The following COL11A1 variants were observed in gnomAD, a reference collection of about 807,000 sequenced individuals.
The protein encoded by COL11A1 is collagen alpha-1(XI) chain.
A neutral mutation model predicts 265.2 loss-of-function variants in COL11A1; 74 were observed. The observed-to-expected ratio is 0.28, with a 90% CI of 0.23 to 0.34. The LOEUF (loss-of-function observed/expected upper bound fraction) is 0.34, where lower values mean the gene tolerates loss of function less well. Among genes scored for constraint, COL11A1 ranks in the 10% least tolerant of loss-of-function variants. The pLI is 1.00. For synonymous variants in COL11A1, 816 were observed against 727.6 expected (o/e 1.12, Z -1.96); for missense variants, 2,165 against 2,263.6 (o/e 0.96, Z 0.88).
At chr1:103,061,438 G>A (rs1670667456) in intron 4 of COL11A1, among the ~76,000 whole-genome samples, 1 of 151,938 alleles carries the variant, frequency 6.6e-6, no homozygotes, top group Admixed American at 6.6e-5. Flanking sequence ...AATAACAGCA[G>A]ATTACTTATC....
intron 63 of COL11A1, 128 bp downstream of exon 63, chr1:102,886,679 A>T (rs1349826306): frequency 7.5e-7 from 1 of 1,333,318 alleles, no homozygotes; most frequent in East Asian, 2.3e-5. Flanking sequence ...TGTCTAGAAG[A>T]TAATTAATAA....
intron 14 of COL11A1, among the ~76,000 whole-genome samples, chr1:103,011,924 A>G (rs1478451032): frequency 6.6e-6 from 1 of 152,108 alleles, no homozygotes; most frequent in Non-Finnish European, 1.5e-5. Flanking sequence ...GAATTTCTAC[A>G]AGAGAAAATA....
At chr1:103,099,624 T>C (rs765823066) in intron 1 of COL11A1, among the ~76,000 whole-genome samples, 1 of 151,722 alleles carries the variant, frequency 6.6e-6, no homozygotes, top group Non-Finnish European at 1.5e-5. Flanking sequence ...TACAGATTGA[T>C]ATTATTCTCA....
Position 102,962,231 on chromosome 1 carries a change from T to C in COL11A1, c.3059A>G (p.Asp1020Gly). 6.2e-7 allele frequency: 1 copy of C among 1,613,832 alleles called. No individual in the cohort carries two copies. Among genetic ancestry groups the C allele is most frequent in the Non-Finnish European group, 8.5e-7 (1 of 1,179,782 alleles). ...DPGPQGISGK[D>G]GPAGLRGFPG... ...GAAACCACGTAATCCTGCTGGTCCA[T>C]CTTTCCCTGAGATACCTTGAGGACC... is the stretch of plus-strand genomic sequence containing the variant. The change falls in exon 40 of 67, where the codon GAT becomes GGT. Residue 1020 changes from aspartate (D) to glycine (G), a missense_variant. Physicochemically the swap from Asp to Gly is moderately conservative, Grantham distance 94. Transcript: ENST00000370096.
chr1:102,929,383 T>C (rs1409469841), intron 46 of COL11A1, among the ~76,000 whole-genome samples: 1 of 152,142 alleles, frequency 6.6e-6, no homozygotes. Context: ...CTCAGGTTTG[T>C]CAAAGAACAG....
At chr1:103,096,494 T>C (rs1457939436) in intron 1 of COL11A1, among the ~76,000 whole-genome samples, 1 of 151,878 alleles carries the variant, frequency 6.6e-6, no homozygotes. Context: ...GCAATTCAGT[T>C]TTGGGTATAC....
At chr1:102,922,539 G>A (rs538513412) in intron 47 of COL11A1, among the ~76,000 whole-genome samples, 4 of 152,094 alleles carry the variant, frequency 2.6e-5, no homozygotes, top group Non-Finnish European at 5.9e-5. Flanking sequence ...TGGGACTACA[G>A]GCACACGCCA....
chr1:103,058,681 A>G (rs1376579437), intron 4 of COL11A1, among the ~76,000 whole-genome samples: 2 of 152,186 alleles, frequency 1.3e-5, no homozygotes, highest in African/African-American at 4.8e-5. Flanking sequence ...GGCAATAGAG[A>G]GCCTCAAGGA....
intron 49 of COL11A1, among the ~76,000 whole-genome samples, chr1:102,919,816 C>T (rs114096223): frequency 7.2e-5 from 11 of 152,042 alleles, no homozygotes; most frequent in African/African-American, 2.6e-4. Flanking sequence ...TCAGAGTATT[C>T]GTAATGAAAA....
chr1:103,005,735 A>G, intron 18 of COL11A1, 103 bp downstream of exon 18: 1 of 1,362,500 alleles, frequency 7.3e-7, no homozygotes, highest in South Asian at 1.2e-5. Context: ...GGATTCACAA[A>G]CGTTAAAATT....
chr1:103,022,416 G>A (rs2101942874), intron 8 of COL11A1, among the ~76,000 whole-genome samples: 1 of 152,088 alleles, frequency 6.6e-6, no homozygotes, highest in African/African-American at 2.4e-5. Flanking sequence ...TTAAAAAATA[G>A]TCTAAAAATC....
chr1:103,058,008 T>C (rs749897413), intron 4 of COL11A1, among the ~76,000 whole-genome samples: 26 of 152,178 alleles, frequency 1.7e-4, no homozygotes, highest in Non-Finnish European at 3.2e-4. Flanking sequence ...ATTTCTGTTC[T>C]CTAGGAACAT....
At chr1:102,922,986 A>C (rs1248836303) in intron 47 of COL11A1, among the ~76,000 whole-genome samples, 2 of 152,212 alleles carry the variant, frequency 1.3e-5, no homozygotes, top group Non-Finnish European at 2.9e-5. Context: ...ATGCATTTCA[A>C]ATTTTCAGTT....
chr1:102,922,462 T>A (rs1250478681), intron 47 of COL11A1, among the ~76,000 whole-genome samples: 1 of 152,206 alleles, frequency 6.6e-6, no homozygotes, highest in Admixed American at 6.5e-5. Context: ...AGTGGCGCGA[T>A]CTCGGCTCAC....
intron 1 of COL11A1, among the ~76,000 whole-genome samples, chr1:103,087,607 T>C (rs904934162): frequency 2.0e-5 from 3 of 152,186 alleles, no homozygotes; most frequent in Non-Finnish European, 2.9e-5. Flanking sequence ...AAACTCAGTC[T>C]TTCCAGAATC....
chr1:103,104,101 A>T (rs1674505838), intron 1 of COL11A1, among the ~76,000 whole-genome samples: 1 of 152,090 alleles, frequency 6.6e-6, no homozygotes, highest in African/African-American at 2.4e-5. Flanking sequence ...TATAATTTCT[A>T]GTGCTAGCAT....
intron 63 of COL11A1, 62 bp from the exon 64 acceptor site, chr1:102,883,373 G>T: frequency 9.8e-7 from 1 of 1,024,018 alleles, no homozygotes; most frequent in Non-Finnish European, 1.6e-6. Context: ...GAATGCATTA[G>T]ATGTCAAATT....
intron 4 of COL11A1, among the ~76,000 whole-genome samples, chr1:103,041,551 A>G (rs1006799902): frequency 4.6e-5 from 7 of 151,882 alleles, no homozygotes. Context: ...CTCTGTTGCA[A>G]TCCTCTATAA....
chr1:103,065,049 G>A (rs141603793), intron 4 of COL11A1, among the ~76,000 whole-genome samples: 3 of 152,218 alleles, frequency 2.0e-5, no homozygotes, highest in African/African-American at 7.2e-5. Flanking sequence ...GACTTTGGGT[G>A]ATAATGATGA....
Sources: gnomAD v4.1 joint callset for allele counts (sites outside exome capture counted in the v4.1 genomes callset) on GRCh38, gnomAD v4.1.1 for gene constraint, MANE v1.5 for transcripts, NCBI Gene and HGNC (gene_info 2026-07-23, HGNC 2026-07-21) for gene names.